SLC35F1: variants seen among roughly 807,000 people sequenced by gnomAD.
SLC35F1 encodes solute carrier family 35 member F1.
Under a neutral mutation model 48.7 loss-of-function variants are expected in SLC35F1, and 14 were observed. The observed-to-expected ratio is 0.29, with a 90% CI of 0.19 to 0.45. The LOEUF is 0.45. Among genes scored for constraint, SLC35F1 ranks in the 20% least tolerant of loss-of-function variants. The probability of loss-of-function intolerance (pLI) is 1.00; values close to 1 mark genes in which losing one functional copy is unlikely to be tolerated. For synonymous variants in SLC35F1, 190 were observed against 202.2 expected (o/e 0.94, Z 0.51); for missense variants, 404 against 500.0 (o/e 0.81, Z 1.83).
At chr6:118,098,184 T>C (rs939902131) in intron 1 of SLC35F1, among the ~76,000 whole-genome samples, 3 of 152,238 alleles carry the variant, frequency 2.0e-5, no homozygotes, top group East Asian at 3.9e-4. Context: ...CACTTTTGTA[T>C]ACATGCCTAC....
chr6:118,147,145 A>C (rs1773986012), intron 1 of SLC35F1, among the ~76,000 whole-genome samples: 1 of 152,220 alleles, frequency 6.6e-6, no homozygotes, highest in African/African-American at 2.4e-5. Flanking sequence ...TCTTCAGTAT[A>C]AATGACTGCT....
intron 1 of SLC35F1, among the ~76,000 whole-genome samples, chr6:118,134,102 A>C (rs1171353428): frequency 6.6e-6 from 1 of 152,220 alleles, no homozygotes; most frequent in Non-Finnish European, 1.5e-5. Flanking sequence ...ATGAAATCTG[A>C]AGTTAATAAA....
intron 2 of SLC35F1, among the ~76,000 whole-genome samples, chr6:118,156,277 A>G (rs1487789757): frequency 6.6e-6 from 1 of 152,080 alleles, no homozygotes; most frequent in Non-Finnish European, 1.5e-5. Flanking sequence ...GAAGAAATTT[A>G]TTCTGAGCCA....
Position 118,268,600 on chromosome 6 carries a change from A to ATT in SLC35F1, c.637+1472_637+1473dup, listed in dbSNP as rs139088554. On this transcript the variant is annotated intron_variant, in intron 4 of 7. Coordinates refer to ENST00000360388, the MANE Select transcript of SLC35F1 (RefSeq NM_001029858.4). ...CATATATATGTATATATATATATAT[A>ATT]TTTTTTTTTTTTTTTTTTTTTTTTT... Among the ~76,000 whole-genome samples the ATT allele has an allele frequency of 2.9e-3, 258 of 87,888 alleles. 2 individuals carry two copies. Among genetic ancestry groups the ATT allele is most frequent in the East Asian group, 8.3e-3 (25 of 3,024 alleles). The allele number at this position is 87,888 out of a possible 152,430, so 57.7% of individuals were successfully genotyped here.
At chr6:117,927,006 T>C (rs1776036880) in intron 1 of SLC35F1, among the ~76,000 whole-genome samples, 1 of 152,188 alleles carries the variant, frequency 6.6e-6, no homozygotes, top group Non-Finnish European at 1.5e-5. Context: ...TTGATGCTGG[T>C]CAATGTTTGA....
intron 1 of SLC35F1, among the ~76,000 whole-genome samples, chr6:118,092,864 A>T (rs1773095097): frequency 6.6e-6 from 1 of 152,104 alleles, no homozygotes; most frequent in African/African-American, 2.4e-5. Context: ...CTGTGCCCCC[A>T]TTGTATCTAG....
At chr6:118,114,816 C>T (rs1487838057) in intron 1 of SLC35F1, among the ~76,000 whole-genome samples, 3 of 152,154 alleles carry the variant, frequency 2.0e-5, no homozygotes, top group Non-Finnish European at 2.9e-5. Flanking sequence ...ATAGTATTTA[C>T]GATGTGCTAC....
At chr6:117,987,421 C>T (rs568468271) in intron 1 of SLC35F1, among the ~76,000 whole-genome samples, 1 of 150,880 alleles carries the variant, frequency 6.6e-6, no homozygotes, top group South Asian at 2.1e-4. Context: ...TTCTCTTTCT[C>T]TCTTTCCTTC....
At chr6:118,074,380 G>A (rs968981391) in intron 1 of SLC35F1, among the ~76,000 whole-genome samples, 30 of 152,218 alleles carry the variant, frequency 2.0e-4, no homozygotes, top group African/African-American at 6.3e-4. Flanking sequence ...CTGACTGTCA[G>A]GTCTGTAAAA....
chr6:118,148,048 G>A (rs764131217), intron 1 of SLC35F1, among the ~76,000 whole-genome samples: 1 of 152,164 alleles, frequency 6.6e-6, no homozygotes, highest in Non-Finnish European at 1.5e-5. Context: ...CAAGAATCTT[G>A]TCAAAGAACA....
intron 7 of SLC35F1, among the ~76,000 whole-genome samples, chr6:118,292,153 A>T (rs1192341346): frequency 6.6e-6 from 1 of 151,940 alleles, no homozygotes; most frequent in South Asian, 2.1e-4. Context: ...TAAATAAGAT[A>T]CTGATGCTTG....
chr6:118,268,600 ATTTTT>A (rs139088554), intron 4 of SLC35F1, among the ~76,000 whole-genome samples: 1,036 of 87,716 alleles, frequency 0.012, 15 homozygotes, highest in African/African-American at 0.034. Flanking sequence ...ATATATATAT[ATTTTT>A]TTTTTTTTTT....
Position 117,907,533 on chromosome 6 carries a change from G to T in SLC35F1, c.-194G>T. On this transcript the variant is annotated 5_prime_UTR_variant, in exon 1 of 8. Coordinates refer to ENST00000360388, the MANE Select transcript of SLC35F1 (RefSeq NM_001029858.4). ...CGCGAGGGTGCGCGCACTGGGACTGGAGAGGAGTGAGTGGCGGGCTGGGCG... is the reference window on the plus strand; with the variant it reads ...CGCGAGGGTGCGCGCACTGGGACTGTAGAGGAGTGAGTGGCGGGCTGGGCG... The T allele has an allele frequency of 2.9e-6, 1 of 342,216 alleles. No homozygotes were observed. 21.2% of individuals were successfully genotyped at this position (342,216 alleles called of 1,614,324 possible). A position where few individuals can be genotyped will look rare whatever the true frequency, so the allele number is the denominator to read the frequency against.
At chr6:117,967,079 C>G (rs906833114) in intron 1 of SLC35F1, among the ~76,000 whole-genome samples, 11 of 152,154 alleles carry the variant, frequency 7.2e-5, no homozygotes, top group African/African-American at 2.4e-4. Context: ...ATATAAGTAG[C>G]TAATGCTGAA....
At chr6:118,304,023 C>T (rs1309593176) in intron 7 of SLC35F1, among the ~76,000 whole-genome samples, 1 of 152,146 alleles carries the variant, frequency 6.6e-6, no homozygotes, top group Non-Finnish European at 1.5e-5. Context: ...TGTGTATAGG[C>T]TCCAGGGATT....
intron 3 of SLC35F1, among the ~76,000 whole-genome samples, chr6:118,247,687 A>G (rs765161142): frequency 6.8e-6 from 1 of 147,626 alleles, no homozygotes; most frequent in Non-Finnish European, 1.5e-5. Flanking sequence ...TCTGTAGTCC[A>G]GTATTACACC....
At chr6:118,244,601 T>C (rs954446462) in intron 3 of SLC35F1, among the ~76,000 whole-genome samples, 1 of 152,274 alleles carries the variant, frequency 6.6e-6, no homozygotes, top group African/African-American at 2.4e-5. Context: ...GTTTGCAAGA[T>C]TGGAAAACAT....
chr6:118,050,932 A>C (rs1772379660), intron 1 of SLC35F1, among the ~76,000 whole-genome samples: 1 of 152,108 alleles, frequency 6.6e-6, no homozygotes, highest in Admixed American at 6.6e-5. Flanking sequence ...AAAACATCTT[A>C]AGCTGATGAA....
intron 1 of SLC35F1, among the ~76,000 whole-genome samples, chr6:118,111,693 GT>G (rs1346631487): frequency 2.0e-5 from 3 of 152,106 alleles, no homozygotes; most frequent in African/African-American, 7.2e-5. Flanking sequence ...ATAAAATTTT[GT>G]TATTCTTAAT....
Sources: allele counts gnomAD v4.1 joint callset (sites outside exome capture counted in the v4.1 genomes callset), GRCh38; gene constraint gnomAD v4.1.1; transcripts MANE v1.5; gene names NCBI Gene and HGNC (gene_info 2026-07-23, HGNC 2026-07-21).